Variants in ADIPOR1 observed in about 807,000 individuals in gnomAD.
The protein encoded by ADIPOR1 is adiponectin receptor 1, also known as adiponectin receptor protein 1.
In ADIPOR1, 15 loss-of-function variants were observed where a neutral mutation model predicts 37.5. That is an observed-to-expected ratio of 0.40 (90% CI 0.27 to 0.62). The LOEUF is 0.62. Ranked by LOEUF, ADIPOR1 falls within the 20% of genes least tolerant of loss-of-function variation. ADIPOR1 has a pLI of 0.42. For synonymous variants in ADIPOR1, 173 were observed against 173.2 expected (o/e 1.00, Z 0.01); for missense variants, 286 against 478.0 (o/e 0.60, Z 3.75).
intron 5 of ADIPOR1, chr1:202,944,501 G>A (rs1654228475): frequency 6.5e-6 from 1 of 154,008 alleles, no homozygotes; most frequent in South Asian, 2.0e-4. Flanking sequence ...TAGAACCTCA[G>A]GCTCACGGCT....
At chr1:202,948,849 T>C (rs549665817) in intron 2 of ADIPOR1, among the ~76,000 whole-genome samples, 1 of 151,828 alleles carries the variant, frequency 6.6e-6, no homozygotes, top group Admixed American at 6.6e-5. Flanking sequence ...TGGAGTACAG[T>C]GGTGCGATCT....
intron 1 of ADIPOR1, among the ~76,000 whole-genome samples, chr1:202,953,355 C>T: frequency 6.6e-6 from 1 of 151,928 alleles, no homozygotes; most frequent in East Asian, 1.9e-4. Context: ...TACTAAGTTA[C>T]TGTTGGAAGT....
At position 202,941,715 on chromosome 1, in the gene ADIPOR1, A is replaced by T. The variant is rs201007271; in HGVS notation, c.1000-14T>A. ...ATGAGACTGGAACTGTAGGAATAAAAAGAAAAGAGCCTTTAGGATAATGCA... is the reference window on the plus strand; with the variant it reads ...ATGAGACTGGAACTGTAGGAATAAATAGAAAAGAGCCTTTAGGATAATGCA... On this transcript the variant is annotated splice_polypyrimidine_tract_variant and intron_variant, in intron 7 of 7. Coordinates refer to ENST00000340990, the MANE Select transcript of ADIPOR1 (RefSeq NM_015999.6). 7.0e-5 allele frequency: 112 copies of T among 1,605,512 alleles called. 1 individual carries two copies. In the East Asian group the frequency reaches 2.0e-3, roughly 28 times the overall value.
chr1:202,954,753 T>A (rs1654711178), intron 1 of ADIPOR1, among the ~76,000 whole-genome samples: 1 of 152,198 alleles, frequency 6.6e-6, no homozygotes, highest in Non-Finnish European at 1.5e-5. Flanking sequence ...AATAAGATAA[T>A]CCTGTGCCAA....
chr1:202,948,456 C>A, intron 2 of ADIPOR1, 36 bp from the exon 3 acceptor site: 1 of 1,575,774 alleles, frequency 6.3e-7, no homozygotes, highest in South Asian at 1.1e-5. Context: ...TCCAGGGAGT[C>A]ATCTCATAAA....
intron 1 of ADIPOR1, among the ~76,000 whole-genome samples, chr1:202,953,884 C>A (rs1654677803): frequency 6.6e-6 from 1 of 152,136 alleles, no homozygotes; most frequent in African/African-American, 2.4e-5. Flanking sequence ...TGCTATGTAA[C>A]TATTTTACTA....
intron 3 of ADIPOR1, 125 bp from the exon 4 acceptor site, chr1:202,946,735 G>T: frequency 1.1e-6 from 1 of 911,744 alleles, no homozygotes; most frequent in Non-Finnish European, 1.7e-6. Context: ...TAATAGTGGA[G>T]AACCAGCCTG....
rs1654866818 is a variant in ADIPOR1, at chr1:202,958,297, A to C, written c.-207T>G. 6.6e-6 allele frequency: 1 copy of C among 152,146 alleles called. No homozygotes were observed. The highest frequency in any genetic ancestry group is 6.5e-5 in the Admixed American group (1 of 15,272). 9.4% of individuals were successfully genotyped at this position (152,146 alleles called of 1,614,324 possible). On this transcript the variant is annotated 5_prime_UTR_variant, in exon 1 of 8. Coordinates refer to ENST00000340990, the MANE Select transcript of ADIPOR1 (RefSeq NM_015999.6). ...ATCTTCAGCGCCCTCCCCGCGCCGG[A>C]AGGGGCGCGCGACCTCCCGCGTCAC...
At chr1:202,956,158 G>C (rs1407169904) in intron 1 of ADIPOR1, among the ~76,000 whole-genome samples, 1 of 152,226 alleles carries the variant, frequency 6.6e-6, no homozygotes, top group Non-Finnish European at 1.5e-5. Flanking sequence ...GGTGACATTA[G>C]GGACAAATGG....
chr1:202,952,727 A>C (rs1654627578), intron 1 of ADIPOR1, among the ~76,000 whole-genome samples: 1 of 152,206 alleles, frequency 6.6e-6, no homozygotes, highest in African/African-American at 2.4e-5. Flanking sequence ...GTCTAGCTTG[A>C]GATGGCATAG....
At chr1:202,948,942 C>G (rs568022902) in intron 2 of ADIPOR1, among the ~76,000 whole-genome samples, 45 of 151,864 alleles carry the variant, frequency 3.0e-4, no homozygotes, top group African/African-American at 9.2e-4. Context: ...AGGCGCCCAC[C>G]ACCATGCCTG....
At chr1:202,949,355 C>A (rs997579377) in intron 2 of ADIPOR1, among the ~76,000 whole-genome samples, 1 of 150,742 alleles carries the variant, frequency 6.6e-6, no homozygotes, top group Admixed American at 6.6e-5. Flanking sequence ...CCGAGGCGGG[C>A]GGATCACGAG....
intron 1 of ADIPOR1, among the ~76,000 whole-genome samples, chr1:202,953,681 CTG>C (rs768766025): frequency 4.0e-4 from 28 of 70,516 alleles, no homozygotes; most frequent in Non-Finnish European, 7.0e-4. Context: ...TTCTAAGACA[CTG>C]TGCAAAATAC....
intron 3 of ADIPOR1, among the ~76,000 whole-genome samples, chr1:202,947,352 T>C (rs1654374476): frequency 6.6e-6 from 1 of 151,422 alleles, no homozygotes; most frequent in Admixed American, 6.6e-5. Flanking sequence ...AGAAACCCCG[T>C]CTCTACTAAA....
At chr1:202,945,818 C>T (rs760907831) in intron 4 of ADIPOR1, among the ~76,000 whole-genome samples, 3 of 151,860 alleles carry the variant, frequency 2.0e-5, no homozygotes, top group Non-Finnish European at 4.4e-5. Context: ...GCTATGAGTA[C>T]GCAAAGGCAT....
chr1:202,943,990 A>G, intron 5 of ADIPOR1, 45 bp from the exon 6 acceptor site: 1 of 1,534,998 alleles, frequency 6.5e-7, no homozygotes, highest in Middle Eastern at 1.8e-4. Flanking sequence ...GGGGAAATGA[A>G]TTTGTATGGC....
intron 6 of ADIPOR1, 43 bp downstream of exon 6, chr1:202,943,715 A>G: frequency 6.3e-7 from 1 of 1,590,662 alleles, no homozygotes. Context: ...ATCAGGCCTA[A>G]GGTCTAAATA....
Position 202,949,593 on chromosome 1 carries a change from A to AAAAAAAAAAAAAC in ADIPOR1, c.142-1174_142-1173insGTTTTTTTTTTTT, listed in dbSNP as rs1332418254. ...GACTCTGTCTCCAAAAAAAAAAAAA[A>AAAAAAAAAAAAAC]AAAACACACCCAGGAGAGCACTTGC... is the stretch of plus-strand genomic sequence containing the variant. On this transcript the variant is annotated intron_variant, in intron 2 of 7. Coordinates refer to ENST00000340990, the MANE Select transcript of ADIPOR1 (RefSeq NM_015999.6). Among the ~76,000 whole-genome samples, 52 of 138,386 alleles carry AAAAAAAAAAAAAC rather than the reference A, an allele frequency of 3.8e-4. 1 individual carries two copies. The highest frequency in any genetic ancestry group is 1.2e-3 in the East Asian group (5 of 4,154). The allele number at this position is 138,386 out of a possible 152,430, so 90.8% of individuals were successfully genotyped here. A position where few individuals can be genotyped will look rare whatever the true frequency, so the allele number is the denominator to read the frequency against.
intron 1 of ADIPOR1, among the ~76,000 whole-genome samples, chr1:202,955,519 G>C (rs964945686): frequency 6.6e-6 from 1 of 151,488 alleles, no homozygotes; most frequent in African/African-American, 2.4e-5. Flanking sequence ...TGACAGACAG[G>C]CAAACTTTGC....
Sources: gnomAD v4.1 joint callset for allele counts (sites outside exome capture counted in the v4.1 genomes callset) on GRCh38, gnomAD v4.1.1 for gene constraint, MANE v1.5 for transcripts, NCBI Gene and HGNC (gene_info 2026-07-23, HGNC 2026-07-21) for gene names.